PLEKHG3: variants seen among roughly 807,000 people sequenced by gnomAD.
PLEKHG3 encodes pleckstrin homology and RhoGEF domain containing G3, also known as pleckstrin homology domain-containing family G member 3.
Under a neutral mutation model 94.9 loss-of-function variants are expected in PLEKHG3, and 62 were observed. The observed-to-expected ratio is 0.65, with a 90% CI of 0.53 to 0.81. The LOEUF (loss-of-function observed/expected upper bound fraction) is 0.81. PLEKHG3 is among the 30% of genes least tolerant of loss of function. PLEKHG3 has a pLI of 0.00. For synonymous variants in PLEKHG3, 614 were observed against 654.0 expected, an observed-to-expected ratio of 0.94 and a Z score of 0.93; for missense variants, 1,461 against 1,619.3, an observed-to-expected ratio of 0.90 and a Z score of 1.68.
rs1388853201 is a variant in PLEKHG3, at chr14:64,723,367, C to T, written c.-39-4226C>T. ...GCAGGAGGATCGCTTGAGGTCGAGGCTGCAATGAGCTGTGATTGCACCACT... is the reference window on the plus strand; with the variant it reads ...GCAGGAGGATCGCTTGAGGTCGAGGTTGCAATGAGCTGTGATTGCACCACT... On this transcript the variant is annotated intron_variant, in intron 1 of 16. Transcript: ENST00000247226. This position sits in a 1 kb window ranked among gnomAD's most constrained non-coding sequence, Gnocchi z 4.5. Among the ~76,000 whole-genome samples the T allele has an allele frequency of 6.6e-6, 1 of 152,076 alleles. No individual in the cohort carries two copies. Among genetic ancestry groups the T allele is most frequent in the Non-Finnish European group, 1.5e-5 (1 of 68,012 alleles).
In PLEKHG3 at chr14:64,723,957, G is replaced by A. The variant is rs2081308404; in HGVS notation, c.-39-3636G>A. The A allele has an allele frequency of 6.6e-6, 1 of 152,174 alleles. No individual in the cohort carries two copies. The highest frequency in any genetic ancestry group is 2.4e-5 in the African/African-American group (1 of 41,408). 9.4% of individuals were successfully genotyped at this position (152,174 alleles called of 1,614,324 possible). A position where few individuals can be genotyped will look rare whatever the true frequency, so the allele number is the denominator to read the frequency against. On this transcript the variant is annotated intron_variant, in intron 1 of 16. Coordinates refer to ENST00000247226, the MANE Select transcript of PLEKHG3 (RefSeq NM_001308147.2). The surrounding 1 kb of genome is among the most constrained non-coding windows in gnomAD (Gnocchi z 4.5). Reference sequence around the variant, plus strand: ...GTAGGCGTGGGTACCTGGTTTGAGGGTTTGGTTGCTGCCTGCCTCATCACC... The same window carrying A: ...GTAGGCGTGGGTACCTGGTTTGAGGATTTGGTTGCTGCCTGCCTCATCACC...
rs564138747 is a variant in PLEKHG3, at chr14:64,731,509, G to A, written c.998G>A (p.Arg333Gln). Residue 333 changes from arginine (R) to glutamine (Q), a missense_variant, in exon 8 of 17, where the codon CGG (arginine) becomes CAG (glutamine). Arg to Gln is a conservative substitution (Grantham distance 43). Transcript: ENST00000247226. The surrounding 1 kb of genome is among the most constrained non-coding windows in gnomAD (Gnocchi z 6.1). ...FDKTLLITKK[R>Q]GDHFVYKGNI... ...AAAACACTGCTTATCACCAAGAAGC[G>A]GGGCGATCACTTTGTCTACAAGGGC... The A allele has an allele frequency of 1.1e-5, 17 of 1,614,084 alleles. No individual in the cohort carries two copies. The highest frequency in any genetic ancestry group is 4.4e-5 in the South Asian group (4 of 91,074).
Position 64,728,932 on chromosome 14 carries a change from G to C in PLEKHG3, c.352-64G>C. 3.1e-6 allele frequency: 2 copies of C among 652,372 alleles called. No homozygotes were observed. Among genetic ancestry groups the C allele is most frequent in the Non-Finnish European group, 5.5e-6 (2 of 363,864 alleles). 40.4% of individuals were successfully genotyped at this position (652,372 alleles called of 1,614,324 possible). On this transcript the variant is annotated intron_variant, in intron 2 of 16. Coordinates refer to ENST00000247226, the MANE Select transcript of PLEKHG3 (RefSeq NM_001308147.2). The surrounding 1 kb of genome is among the most constrained non-coding windows in gnomAD (Gnocchi z 5.9). ...TACAGCAGGGCCGAAACGAGGTGTG[G>C]CTAGGGAAGGTAGTGGGCAGGGTTG... is the stretch of plus-strand genomic sequence containing the variant.
At position 64,743,322 on chromosome 14, in the gene PLEKHG3, C is replaced by T. The variant is rs377640385; in HGVS notation, c.3279C>T (p.Gly1093=). Residue 1093 remains glycine, a synonymous_variant, in exon 17 of 17, where the codon GGC becomes GGT. Transcript: ENST00000247226. The surrounding 1 kb of genome is among the most constrained non-coding windows in gnomAD (Gnocchi z 7.2). ...ACATGGTAGAGCCACCTCTGTCGGG[C>T]AGGGTGGGCCGCTGCCGCAGCCTGA... ...PENMVEPPLS[G]RVGRCRSLST... The T allele has an allele frequency of 6.2e-6, 10 of 1,607,274 alleles. No individual in the cohort carries two copies. The African/African-American group carries it at 1.1e-4, about 17-fold the overall frequency.
At position 64,716,482 on chromosome 14, in the gene PLEKHG3, A is replaced by C. The variant is rs866577711; in HGVS notation, c.-39-11111A>C. On this transcript the variant is annotated intron_variant, in intron 1 of 16. Coordinates refer to ENST00000247226, the MANE Select transcript of PLEKHG3 (RefSeq NM_001308147.2). The surrounding 1 kb of genome is among the most constrained non-coding windows in gnomAD (Gnocchi z 5.0). ...CACACACACAACACACACACACACA[A>C]CACACACACACACAACACACACACA... 5.5e-3 allele frequency among the ~76,000 whole-genome samples: 601 copies of C among 110,270 alleles called. 4 individuals are homozygous for C. Among genetic ancestry groups the C allele is most frequent in the Admixed American group, 0.01 (112 of 11,022 alleles). The allele number at this position is 110,270 out of a possible 152,430, so 72.3% of individuals were successfully genotyped here.
At chr14:64,714,234 C>T (rs1311223660) in intron 1 of PLEKHG3, among the ~76,000 whole-genome samples, 2 of 152,096 alleles carry the variant, frequency 1.3e-5, no homozygotes, top group Admixed American at 1.3e-4. Flanking sequence ...GAAGCGTGCA[C>T]TTATTGGTGA....
chr14:64,725,039 A>G lies in PLEKHG3; in HGVS notation c.-39-2554A>G, dbSNP rs1490900645. ...AGCTTAGTTTGCAGACAGGTAGCCT[A>G]TGATCAATCAGAGAGAAAACTTCTG... On this transcript the variant is annotated intron_variant, in intron 1 of 16. Transcript: ENST00000247226. This position sits in a 1 kb window ranked among gnomAD's most constrained non-coding sequence, Gnocchi z 5.0. Among the ~76,000 whole-genome samples the G allele has an allele frequency of 2.0e-5, 3 of 152,248 alleles. No homozygotes were observed. The highest frequency in any genetic ancestry group is 7.2e-5 in the African/African-American group (3 of 41,458).
In PLEKHG3 at chr14:64,716,469, A is replaced by ACCC. The variant is rs1566693933; in HGVS notation, c.-39-11123_-39-11122insCCC. 8.8e-5 allele frequency among the ~76,000 whole-genome samples: 11 copies of ACCC among 125,084 alleles called. No homozygotes were observed. The highest frequency in any genetic ancestry group is 3.9e-4 in the African/African-American group (11 of 28,026). The allele number at this position is 125,084 out of a possible 152,430, so 82.1% of individuals were successfully genotyped here. A position where few individuals can be genotyped will look rare whatever the true frequency, so the allele number is the denominator to read the frequency against. ...ACACACACACACACACACACACAAC[A>ACCC]CACACACACACAACACACACACACA... On this transcript the variant is annotated intron_variant, in intron 1 of 16. Coordinates refer to ENST00000247226, the MANE Select transcript of PLEKHG3 (RefSeq NM_001308147.2). This position sits in a 1 kb window ranked among gnomAD's most constrained non-coding sequence, Gnocchi z 5.0.
chr14:64,729,117 A>G (rs1259887422), intron 3 of PLEKHG3, 24 bp downstream of exon 3: 10 of 1,124,420 alleles, frequency 8.9e-6, no homozygotes, highest in Non-Finnish European at 1.3e-5. Context: ...CCTGACACTC[A>G]CCATGTTCTG....
intron 1 of PLEKHG3, among the ~76,000 whole-genome samples, chr14:64,712,998 C>A (rs577780352): frequency 6.6e-6 from 1 of 152,000 alleles, no homozygotes; most frequent in African/African-American, 2.4e-5. Context: ...GATTGTTGAG[C>A]GTTTTTATCA....
rs1376758814 is a variant in PLEKHG3, at chr14:64,725,539, G to A, written c.-39-2054G>A. The stretch of plus-strand genomic sequence containing the variant: ...GCCTGCTGGTTCTGTAAAAGGCATA[G>A]CTGATTAATTGTAAAGGCCCTTTTG... On this transcript the variant is annotated intron_variant, in intron 1 of 16. Transcript: ENST00000247226. This position sits in a 1 kb window ranked among gnomAD's most constrained non-coding sequence, Gnocchi z 5.0. Among the ~76,000 whole-genome samples the A allele has an allele frequency of 6.6e-6, 1 of 152,208 alleles. No individual in the cohort carries two copies. The highest frequency in any genetic ancestry group is 6.5e-5 in the Admixed American group (1 of 15,288).
At position 64,727,992 on chromosome 14, in the gene PLEKHG3, G is replaced by A. The variant is rs778987164; in HGVS notation, c.351+10G>A. The A allele has an allele frequency of 1.3e-4, 203 of 1,513,750 alleles. No individual in the cohort carries two copies. Among genetic ancestry groups the A allele is most frequent in the Admixed American group, 3.7e-4 (20 of 53,610 alleles). 93.8% of individuals were successfully genotyped at this position (1,513,750 alleles called of 1,614,324 possible). On this transcript the variant is annotated intron_variant, in intron 2 of 16. Coordinates refer to ENST00000247226, the MANE Select transcript of PLEKHG3 (RefSeq NM_001308147.2). This position sits in a 1 kb window ranked among gnomAD's most constrained non-coding sequence, Gnocchi z 6.0. ...GCGCAGCATCGTGGAGGTGCGTGTC[G>A]GAGGCCTTGCGGCACAGTATTCTAG...
intron 14 of PLEKHG3, among the ~76,000 whole-genome samples, 189 bp downstream of exon 14, chr14:64,737,564 C>T (rs2081595928): frequency 6.6e-6 from 1 of 152,246 alleles, no homozygotes; most frequent in South Asian, 2.1e-4. Flanking sequence ...CCTGGGGGCC[C>T]TTCTGCACCC....
chr14:64,735,788 T>C (rs907343816), intron 12 of PLEKHG3, among the ~76,000 whole-genome samples: 1 of 152,238 alleles, frequency 6.6e-6, no homozygotes, highest in Non-Finnish European at 1.5e-5. Flanking sequence ...CTGCTTCTGC[T>C]TCCCACTCAG....
intron 15 of PLEKHG3, among the ~76,000 whole-genome samples, chr14:64,740,554 G>T (rs2081665778): frequency 6.6e-6 from 1 of 152,232 alleles, no homozygotes; most frequent in African/African-American, 2.4e-5. Flanking sequence ...TGAGGAAAAT[G>T]AAATGGCCTC....
Position 64,732,159 on chromosome 14 carries a change from AC to A in PLEKHG3, c.1192del (p.His398MetfsTer30). On this transcript the variant is annotated frameshift_variant, in exon 10 of 17. Transcript: ENST00000247226. LOFTEE classifies it high-confidence loss of function. The surrounding 1 kb of genome is among the most constrained non-coding windows in gnomAD (Gnocchi z 4.9). ...HHIKRLILEN[H>X]HATIPQKAKE... The stretch of plus-strand genomic sequence containing the variant: ...ATCAAGAGGCTCATCCTAGAGAACC[AC>A]CATGCCACCATTCCCCAGAAGGTGA... 1 of 1,613,796 alleles carries A rather than the reference AC, an allele frequency of 6.2e-7. No homozygotes were observed. The highest frequency in any genetic ancestry group is 8.5e-7 in the Non-Finnish European group (1 of 1,179,758).
rs1449166979 is a variant in PLEKHG3 at position 64,738,896 on chromosome 14, T to C, written c.1518+41T>C. ...GTGGGATGGGGATAGTAGGAAGAAC[T>C]TGGAGTCCAGATTTTCAAGTCTGCA... On this transcript the variant is annotated intron_variant, in intron 15 of 16. Transcript: ENST00000247226. The surrounding 1 kb of genome is among the most constrained non-coding windows in gnomAD (Gnocchi z 4.8). The C allele has an allele frequency of 3.9e-6, 5 of 1,297,404 alleles. No individual in the cohort carries two copies. The highest frequency in any genetic ancestry group is 2.5e-5 in the South Asian group (2 of 79,174). 80.4% of individuals were successfully genotyped at this position (1,297,404 alleles called of 1,614,324 possible). A position where few individuals can be genotyped will look rare whatever the true frequency, so the allele number is the denominator to read the frequency against.
chr14:64,749,977 T>G lies in PLEKHG3; in HGVS notation c.*6274T>G. On this transcript the variant is annotated 3_prime_UTR_variant, in exon 17 of 17. Transcript: ENST00000247226. This position sits in a 1 kb window ranked among gnomAD's most constrained non-coding sequence, Gnocchi z 4.7. ...CGAGCTTTCAAAGGCCAGGAAGGCCTCACCTCAGCTTAAAGACGTGCTTCT... is the reference window on the plus strand; with the variant it reads ...CGAGCTTTCAAAGGCCAGGAAGGCCGCACCTCAGCTTAAAGACGTGCTTCT... The G allele has an allele frequency of 1.2e-6, 2 of 1,614,224 alleles. No homozygotes were observed. The highest frequency in any genetic ancestry group is 1.7e-6 in the Non-Finnish European group (2 of 1,180,036).
Position 64,749,581 on chromosome 14 carries a change from C to A in PLEKHG3, c.*5878C>A. On this transcript the variant is annotated 3_prime_UTR_variant, in exon 17 of 17. Coordinates refer to ENST00000247226, the MANE Select transcript of PLEKHG3 (RefSeq NM_001308147.2). The surrounding 1 kb of genome is among the most constrained non-coding windows in gnomAD (Gnocchi z 4.7). ...GGGACTGCCCCTTCTGAGGGGGCCT[C>A]CAGGGCAAGCGGCCTGGGGTCCTCC... The A allele has an allele frequency of 1.9e-6, 3 of 1,608,324 alleles. No homozygotes were observed. Among genetic ancestry groups the A allele is most frequent in the East Asian group, 2.2e-5 (1 of 44,856 alleles).
Sources: allele counts gnomAD v4.1 joint callset (sites outside exome capture counted in the v4.1 genomes callset), GRCh38; gene constraint gnomAD v4.1.1; non-coding constraint Gnocchi (gnomAD v3.1); transcripts MANE v1.5; gene names NCBI Gene and HGNC (gene_info 2026-07-23, HGNC 2026-07-21).